Variants in STK26 observed in about 807,000 individuals in gnomAD.
STK26 encodes serine/threonine-protein kinase 26.
A neutral mutation model predicts 34.7 loss-of-function variants in STK26; 14 were observed. The observed-to-expected ratio is 0.40, with a 90% CI of 0.27 to 0.63. STK26 has a LOEUF of 0.63. Ranked by LOEUF, STK26 falls within the 30% of genes least tolerant of loss-of-function variation. The pLI, the probability that STK26 is intolerant of heterozygous loss-of-function variation, is 0.38. For missense variants in STK26, 226 were observed against 309.1 expected (o/e 0.73, Z 2.02); for synonymous variants, 100 against 109.8 (o/e 0.91, Z 0.56).
At position 132,047,698 on chromosome X, in the gene STK26, C is replaced by T. The variant is rs1440759226; in HGVS notation, c.43-6933C>T. On this transcript the variant is annotated intron_variant, in intron 2 of 11. Transcript: ENST00000394334. ...CAGAAAGTCAAGATTACTTATGAAT[C>T]ATTTTTCTTTAAAATTGTAATATGA... is the stretch of plus-strand genomic sequence containing the variant. 3.6e-5 allele frequency among the ~76,000 whole-genome samples: 4 copies of T among 111,635 alleles called. No individual in the cohort carries two copies. In the South Asian group the frequency reaches 1.5e-3, roughly 41 times the overall value.
chrX:132,072,770 T>C, intron 9 of STK26, 43 bp from the exon 10 acceptor site: 4 of 1,142,532 alleles, frequency 3.5e-6, no homozygotes, highest in Non-Finnish European at 3.6e-6. Flanking sequence ...ATCATGACAC[T>C]TATTTTAATT....
chrX:132,074,575 AAAC>A lies in STK26; in HGVS notation c.*418_*420del, dbSNP rs1295542357. On this transcript the variant is annotated 3_prime_UTR_variant, in exon 12 of 12. Transcript: ENST00000394334. Reference sequence around the variant, plus strand: ...TCAAAAAGCTTTTTTTTTTAAAAAAAAACATGCATATTCTAAAAATGACTATTG... The same window carrying A: ...TCAAAAAGCTTTTTTTTTTAAAAAAAATGCATATTCTAAAAATGACTATTG... 8.7e-6 allele frequency: 1 copy of A among 115,019 alleles called. No homozygotes were observed. Among genetic ancestry groups the A allele is most frequent in the African/African-American group, 3.3e-5 (1 of 30,722 alleles). The allele number at this position is 115,019 out of a possible 1,213,427, so 9.5% of individuals were successfully genotyped here.
chrX:132,070,178 C>T (rs766260683), intron 7 of STK26, among the ~76,000 whole-genome samples: 21 of 109,258 alleles, frequency 1.9e-4, no homozygotes, highest in African/African-American at 6.3e-4. Context: ...ATTACAGGCA[C>T]CCGCCACCAT....
chrX:132,023,769 C>T (rs950076389), intron 2 of STK26, 110 bp downstream of exon 2: 81 of 937,770 alleles, frequency 8.6e-5, no homozygotes, highest in Non-Finnish European at 6.2e-5. Context: ...CCCCTGAGGG[C>T]AGGGCCGGTC....
At chrX:132,026,537 A>G (rs947505992) in intron 2 of STK26, among the ~76,000 whole-genome samples, 3 of 112,021 alleles carry the variant, frequency 2.7e-5, no homozygotes, top group Non-Finnish European at 5.6e-5. Context: ...TTCCACTCAA[A>G]TATTTACTCT....
chrX:132,049,462 C>T (rs1466837385), intron 2 of STK26, among the ~76,000 whole-genome samples: 2 of 112,230 alleles, frequency 1.8e-5, no homozygotes, highest in Non-Finnish European at 3.8e-5. Context: ...TATATGCATT[C>T]TGCTTCTTAG....
At chrX:132,062,944 A>G (rs1927103717) in intron 3 of STK26, among the ~76,000 whole-genome samples, 1 of 111,266 alleles carries the variant, frequency 9.0e-6, no homozygotes, top group Admixed American at 9.6e-5. Flanking sequence ...ACATTTTAGA[A>G]TCTGTTCTTT....
chrX:132,034,289 ATTCTTTTTTTTTT>A (rs1463375261), intron 2 of STK26, among the ~76,000 whole-genome samples: 75 of 34,963 alleles, frequency 2.1e-3, no homozygotes, highest in African/African-American at 7.2e-3. Context: ...TGAGACATTT[ATTCTTTTTTTTTT>A]TTTTTTTTTT....
At chrX:132,034,537 G>T (rs759267490) in intron 2 of STK26, among the ~76,000 whole-genome samples, 1 of 109,927 alleles carries the variant, frequency 9.1e-6, no homozygotes, top group East Asian at 2.9e-4. Flanking sequence ...CTCGTGGTCC[G>T]CCCGCCTCGG....
rs1254997349 is a variant in STK26, at chrX:132,074,826, G to A, written c.*667G>A. The A allele has an allele frequency of 9.0e-6, 1 of 111,276 alleles. No homozygotes were observed. The highest frequency in any genetic ancestry group is 9.6e-5 in the Admixed American group (1 of 10,409). 9.2% of individuals were successfully genotyped at this position (111,276 alleles called of 1,213,427 possible). ...TAGTATTTACATTCTCTTTTAGGTAGAAGAGGCAATTTTACCCTTATTTCA... is the reference window on the plus strand; with the variant it reads ...TAGTATTTACATTCTCTTTTAGGTAAAAGAGGCAATTTTACCCTTATTTCA... On this transcript the variant is annotated 3_prime_UTR_variant, in exon 12 of 12. Transcript: ENST00000394334.
intron 4 of STK26, among the ~76,000 whole-genome samples, chrX:132,064,802 T>C (rs889926273): frequency 8.9e-6 from 1 of 112,201 alleles, no homozygotes; most frequent in African/African-American, 3.2e-5. Flanking sequence ...AGTGTTTTGA[T>C]TAAAATAATC....
intron 3 of STK26, among the ~76,000 whole-genome samples, chrX:132,056,597 G>A (rs1384702496): frequency 2.7e-5 from 3 of 111,216 alleles, no homozygotes; most frequent in Non-Finnish European, 5.7e-5. Context: ...TCTGCTTGTG[G>A]GCCCACTTGA....
chrX:132,036,648 G>C (rs1044472364), intron 2 of STK26, among the ~76,000 whole-genome samples: 1 of 111,506 alleles, frequency 9.0e-6, no homozygotes, highest in African/African-American at 3.3e-5. Context: ...ATCCCTAAGC[G>C]ACTTGCTTCC....
At chrX:132,049,054 C>T (rs1926598377) in intron 2 of STK26, among the ~76,000 whole-genome samples, 2 of 112,112 alleles carry the variant, frequency 1.8e-5, no homozygotes, top group Admixed American at 1.9e-4. Flanking sequence ...TCATGGCTCA[C>T]TGTAGCCTCG....
In STK26 at chrX:132,054,604, C is replaced by T. The variant is rs751369513; in HGVS notation, c.43-27C>T. ...TTGATTCAAAACATTTGTGTTCTTT[C>T]TTTTTCTCGTTCCCCACTCCCTTCA... On this transcript the variant is annotated intron_variant, in intron 2 of 11. Coordinates refer to ENST00000394334, the MANE Select transcript of STK26 (RefSeq NM_016542.4). 3.5e-6 allele frequency: 4 copies of T among 1,139,805 alleles called. No homozygotes were observed. The South Asian group carries it at 7.8e-5, about 22-fold the overall frequency. The allele number at this position is 1,139,805 out of a possible 1,213,427, so 93.9% of individuals were successfully genotyped here. A position where few individuals can be genotyped will look rare whatever the true frequency, so the allele number is the denominator to read the frequency against.
Position 132,037,601 on chromosome X carries a change from G to T in STK26, c.42+13942G>T, listed in dbSNP as rs1926100550. On this transcript the variant is annotated intron_variant, in intron 2 of 11. Transcript: ENST00000394334. ...AATCAGAGATATGTGGGCAGTAAAC[G>T]AGTGACTTCTACTTCACAGAAACTT... 2.7e-5 allele frequency among the ~76,000 whole-genome samples: 3 copies of T among 110,237 alleles called. No individual in the cohort carries two copies. The South Asian group carries it at 1.2e-3, about 43-fold the overall frequency.
At chrX:132,035,873 A>ACT (rs1556011221) in intron 2 of STK26, among the ~76,000 whole-genome samples, 1 of 104,085 alleles carries the variant, frequency 9.6e-6, no homozygotes, top group Non-Finnish European at 2.0e-5. Context: ...ACACACACAC[A>ACT]CACTCATTCA....
At chrX:132,034,292 C>CTTTTTTTTTTTTTTT (rs561602079) in intron 2 of STK26, among the ~76,000 whole-genome samples, 2 of 41,379 alleles carry the variant, frequency 4.8e-5, no homozygotes, top group East Asian at 1.1e-3. Flanking sequence ...GACATTTATT[C>CTTTTTTTTTTTTTTT]TTTTTTTTTT....
At chrX:132,057,033 TG>T (rs1192372048) in intron 3 of STK26, among the ~76,000 whole-genome samples, 1 of 111,913 alleles carries the variant, frequency 8.9e-6, no homozygotes, top group Admixed American at 9.4e-5. Context: ...TCCGGGGCCC[TG>T]GGGTGTGAGC....
Sources: gnomAD v4.1 joint callset for allele counts (sites outside exome capture counted in the v4.1 genomes callset) on GRCh38, gnomAD v4.1.1 for gene constraint, MANE v1.5 for transcripts, NCBI Gene and HGNC (gene_info 2026-07-23, HGNC 2026-07-21) for gene names.